TENT5C: variants seen among roughly 807,000 people sequenced by gnomAD.
TENT5C encodes family with sequence similarity 46 member C.
In TENT5C, 5 loss-of-function variants were observed where a neutral mutation model predicts 22.2. The observed-to-expected ratio is 0.22, with a 90% CI of 0.12 to 0.47. The LOEUF (loss-of-function observed/expected upper bound fraction) is 0.47, where lower values mean the gene tolerates loss of function less well. Ranked by LOEUF, TENT5C falls within the 20% of genes least tolerant of loss-of-function variation. The probability of loss-of-function intolerance (pLI) is 0.99; values close to 1 mark genes in which losing one functional copy is unlikely to be tolerated. For synonymous variants in TENT5C, 199 were observed against 195.4 expected, an observed-to-expected ratio of 1.02 and a Z score of -0.15; for missense variants, 364 against 500.9, an observed-to-expected ratio of 0.73 and a Z score of 2.61.
rs1194709735 is a variant in TENT5C at position 117,610,673 on chromosome 1, G to A, written c.-28+4520G>A. Among the ~76,000 whole-genome samples, 4 of 152,136 alleles carry A rather than the reference G, an allele frequency of 2.6e-5. No individual in the cohort carries two copies. The South Asian group carries it at 6.2e-4, about 24-fold the overall frequency. ...CTCCTGAATAGCTGGGACTACAGGT[G>A]CACACCACCACACCCAGCTAATTTT... On this transcript the variant is annotated intron_variant, in intron 1 of 1. Coordinates refer to ENST00000369448, the MANE Select transcript of TENT5C (RefSeq NM_017709.4).
chr1:117,625,650 G>A lies in TENT5C; in HGVS notation c.*1606G>A, dbSNP rs1653992662. The stretch of plus-strand genomic sequence containing the variant: ...CTTCCTTTGGCTATGAAAACCCAAA[G>A]CCCGGAGTGATTGTTTTCTCCTTGC... On this transcript the variant is annotated 3_prime_UTR_variant, in exon 2 of 2. Coordinates refer to ENST00000369448, the MANE Select transcript of TENT5C (RefSeq NM_017709.4). The A allele has an allele frequency of 4.0e-6, 1 of 248,022 alleles. No individual in the cohort carries two copies. The highest frequency in any genetic ancestry group is 8.5e-6 in the Non-Finnish European group (1 of 118,106). 15.4% of individuals were successfully genotyped at this position (248,022 alleles called of 1,614,324 possible).
At position 117,627,863 on chromosome 1, in the gene TENT5C, T is replaced by TGC. The variant is rs1491112475; in HGVS notation, c.*3821_*3822dup. The TGC allele has an allele frequency of 7.8e-5, 19 of 243,380 alleles. No individual in the cohort carries two copies. The highest frequency in any genetic ancestry group is 5.5e-4 in the South Asian group (3 of 5,424). The allele number at this position is 243,380 out of a possible 1,614,324, so 15.1% of individuals were successfully genotyped here. ...AAAAGACTGTGTGTGTGTGTGTGTGTGCGTGTGTGTGTTCAAGTGCCTAAA... is the reference window on the plus strand; with the variant it reads ...AAAAGACTGTGTGTGTGTGTGTGTGTGCGCGTGTGTGTGTTCAAGTGCCTAAA... On this transcript the variant is annotated 3_prime_UTR_variant, in exon 2 of 2. Coordinates refer to ENST00000369448, the MANE Select transcript of TENT5C (RefSeq NM_017709.4).
Position 117,625,110 on chromosome 1 carries a change from T to C in TENT5C, c.*1066T>C, listed in dbSNP as rs1345493226. On this transcript the variant is annotated 3_prime_UTR_variant, in exon 2 of 2. Transcript: ENST00000369448. ...TTTTTGTTTTTGTTCTTTTCGTTTT[T>C]TTTTTTTCCAAAAATAGTGACTTCC... is the stretch of plus-strand genomic sequence containing the variant. 3 of 247,766 alleles carry C rather than the reference T, an allele frequency of 1.2e-5. No individual in the cohort carries two copies. The highest frequency in any genetic ancestry group is 2.5e-5 in the Non-Finnish European group (3 of 118,094). 15.3% of individuals were successfully genotyped at this position (247,766 alleles called of 1,614,324 possible). A position where few individuals can be genotyped will look rare whatever the true frequency, so the allele number is the denominator to read the frequency against.
intron 1 of TENT5C, among the ~76,000 whole-genome samples, chr1:117,613,311 G>A (rs922804546): frequency 6.6e-6 from 1 of 152,188 alleles, no homozygotes. Context: ...ATTTCCATTT[G>A]CAACCACGTC....
chr1:117,606,386 G>A (rs1022051165), intron 1 of TENT5C, among the ~76,000 whole-genome samples: 4 of 152,206 alleles, frequency 2.6e-5, no homozygotes, highest in Admixed American at 6.5e-5. Context: ...GTCCCAAAGG[G>A]CCAGAAGAGA....
intron 1 of TENT5C, among the ~76,000 whole-genome samples, chr1:117,615,989 C>CT (rs1653774108): frequency 6.6e-6 from 1 of 152,158 alleles, no homozygotes; most frequent in Non-Finnish European, 1.5e-5. Context: ...ACTTTAATGG[C>CT]TATGAGAACT....
chr1:117,612,296 C>T (rs1364617394), intron 1 of TENT5C, among the ~76,000 whole-genome samples: 1 of 151,072 alleles, frequency 6.6e-6, no homozygotes. Context: ...CACTGTGCGT[C>T]AGACTTGACA....
rs1013328487 is a variant in TENT5C, at chr1:117,621,068, G to A, written c.-27-1774G>A. Among the ~76,000 whole-genome samples the A allele has an allele frequency of 4.6e-5, 7 of 152,258 alleles. No homozygotes were observed. The South Asian group carries it at 1.0e-3, about 23-fold the overall frequency. On this transcript the variant is annotated intron_variant, in intron 1 of 1. Coordinates refer to ENST00000369448, the MANE Select transcript of TENT5C (RefSeq NM_017709.4). ...ATGCCAGTCACAGTAAACATTATTC[G>A]TCACAGATTTTGCTTGGGATCCATA...
chr1:117,615,844 C>T (rs988109239), intron 1 of TENT5C, among the ~76,000 whole-genome samples: 1 of 152,202 alleles, frequency 6.6e-6, no homozygotes, highest in Non-Finnish European at 1.5e-5. Context: ...AAGGCTGATT[C>T]CAGCTTTTTG....
intron 1 of TENT5C, among the ~76,000 whole-genome samples, chr1:117,620,311 A>T (rs568129027): frequency 3.3e-4 from 50 of 152,290 alleles, no homozygotes; most frequent in Admixed American, 2.6e-3. Flanking sequence ...TGGAGATTTT[A>T]AAAAAATTGT....
At chr1:117,612,305 C>T (rs779312436) in intron 1 of TENT5C, among the ~76,000 whole-genome samples, 1 of 150,900 alleles carries the variant, frequency 6.6e-6, no homozygotes, top group Non-Finnish European at 1.5e-5. Flanking sequence ...TCAGACTTGA[C>T]ACTAAAACAC....
chr1:117,619,483 T>A (rs1318495341), intron 1 of TENT5C, among the ~76,000 whole-genome samples: 1 of 152,222 alleles, frequency 6.6e-6, no homozygotes, highest in Non-Finnish European at 1.5e-5. Flanking sequence ...CTTTGCCTAA[T>A]GTTACAAATA....
At chr1:117,613,561 T>G (rs182888815) in intron 1 of TENT5C, among the ~76,000 whole-genome samples, 1 of 152,306 alleles carries the variant, frequency 6.6e-6, no homozygotes, top group East Asian at 1.9e-4. Flanking sequence ...GTGTGTTGGC[T>G]TCTCACTTCT....
chr1:117,615,587 A>T (rs894350494), intron 1 of TENT5C, among the ~76,000 whole-genome samples: 1 of 152,222 alleles, frequency 6.6e-6, no homozygotes, highest in Non-Finnish European at 1.5e-5. Flanking sequence ...TCCCCTGGCC[A>T]TGGCTGTGGC....
In TENT5C at chr1:117,620,310, T is replaced by TA. The variant is rs1369562395; in HGVS notation, c.-27-2525dup. Among the ~76,000 whole-genome samples, 6 of 152,358 alleles carry TA rather than the reference T, an allele frequency of 3.9e-5. No homozygotes were observed. In the South Asian group the frequency reaches 8.3e-4, roughly 21 times the overall value. ...TTATTGAGGTTCTTGCTGGAGATTTTAAAAAAATTGTTGCTTGTATCTCAA... is the reference window on the plus strand; with the variant it reads ...TTATTGAGGTTCTTGCTGGAGATTTTAAAAAAAATTGTTGCTTGTATCTCAA... On this transcript the variant is annotated intron_variant, in intron 1 of 1. Coordinates refer to ENST00000369448, the MANE Select transcript of TENT5C (RefSeq NM_017709.4).
At chr1:117,618,447 T>C (rs1653830549) in intron 1 of TENT5C, among the ~76,000 whole-genome samples, 1 of 151,682 alleles carries the variant, frequency 6.6e-6, no homozygotes, top group African/African-American at 2.4e-5. Context: ...AGAAACTTGA[T>C]AGAAAGGCAT....
intron 1 of TENT5C, among the ~76,000 whole-genome samples, chr1:117,606,621 C>T (rs899863790): frequency 2.8e-4 from 43 of 152,268 alleles, no homozygotes; most frequent in African/African-American, 1.0e-3. Context: ...GGCGCTCCCG[C>T]GGGCGCGCAC....
rs1272945808 is a variant in TENT5C, at chr1:117,622,835, C to G, written c.-27-7C>G. ...TCCTAACTCTGCTTCTCACCCCTCA[C>G]TTTCAGTTTCCCCAGCCAGAACATC... On this transcript the variant is annotated splice_region_variant and splice_polypyrimidine_tract_variant and intron_variant, in intron 1 of 1. Transcript: ENST00000369448. 7 of 1,588,464 alleles carry G rather than the reference C, an allele frequency of 4.4e-6. No individual in the cohort carries two copies. Among genetic ancestry groups the G allele is most frequent in the African/African-American group, 1.3e-5 (1 of 74,524 alleles).
In TENT5C at chr1:117,615,706, G is replaced by A. The variant is rs911528563; in HGVS notation, c.-27-7136G>A. Among the ~76,000 whole-genome samples the A allele has an allele frequency of 8.5e-5, 13 of 152,350 alleles. 1 individual carries two copies. The highest frequency in any genetic ancestry group is 6.8e-3 in the Middle Eastern group (2 of 294). On this transcript the variant is annotated intron_variant, in intron 1 of 1. Coordinates refer to ENST00000369448, the MANE Select transcript of TENT5C (RefSeq NM_017709.4). Reference sequence around the variant, plus strand: ...ATGTTATGAAACAATGTGCTCCCCCGCTGATAAGTGGGATTTCCCACACAC... The same window carrying A: ...ATGTTATGAAACAATGTGCTCCCCCACTGATAAGTGGGATTTCCCACACAC...
Sources: gnomAD v4.1 joint callset for allele counts (sites outside exome capture counted in the v4.1 genomes callset) on GRCh38, gnomAD v4.1.1 for gene constraint, MANE v1.5 for transcripts, NCBI Gene and HGNC (gene_info 2026-07-23, HGNC 2026-07-21) for gene names.